The following ALDH7A1 variants were observed in gnomAD, a reference collection of about 807,000 sequenced individuals.
ALDH7A1 encodes the protein alpha-aminoadipic semialdehyde dehydrogenase.
ALDH7A1 carries 63 observed loss-of-function variants against 79.9 expected under a neutral mutation model. The observed-to-expected ratio is 0.79, with a 90% CI of 0.64 to 0.97. The LOEUF (loss-of-function observed/expected upper bound fraction) is 0.97. Ranked by LOEUF, ALDH7A1 falls within the 50% of genes least tolerant of loss-of-function variation. The probability of loss-of-function intolerance (pLI) is 0.00; values close to 1 mark genes in which losing one functional copy is unlikely to be tolerated. For missense variants in ALDH7A1, 627 were observed against 665.2 expected, an observed-to-expected ratio of 0.94 and a Z score of 0.63; for synonymous variants, 240 against 231.2, an observed-to-expected ratio of 1.04 and a Z score of -0.34.
rs1751257073 is a variant in ALDH7A1 at position 126,583,832 on chromosome 5, C to T, written c.393+100G>A. ...TCCAGCCTGGGTGACAGCAAGACTC[C>T]ATCTCAAAAAAAAAAAACCTCACAA... On this transcript the variant is annotated intron_variant, in intron 4 of 17. Transcript: ENST00000409134. The T allele has an allele frequency of 7.2e-6, 7 of 974,324 alleles. No homozygotes were observed. In the South Asian group the frequency reaches 1.0e-4, roughly 14 times the overall value. The allele number at this position is 974,324 out of a possible 1,614,324, so 60.4% of individuals were successfully genotyped here.
intron 12 of ALDH7A1, 65 bp downstream of exon 12, chr5:126,555,866 C>A: frequency 7.5e-7 from 1 of 1,332,078 alleles, no homozygotes; most frequent in Non-Finnish European, 1.1e-6. Context: ...AAACTCAGAT[C>A]AGAAACACTT....
intron 5 of ALDH7A1, among the ~76,000 whole-genome samples, chr5:126,577,578 G>A (rs972042578): frequency 6.6e-6 from 1 of 152,118 alleles, no homozygotes; most frequent in East Asian, 1.9e-4. Flanking sequence ...ATGTTGTTTT[G>A]TTTGGTTTTG....
intron 14 of ALDH7A1, among the ~76,000 whole-genome samples, chr5:126,551,235 T>G (rs1749986123): frequency 6.6e-6 from 1 of 152,102 alleles, no homozygotes; most frequent in Admixed American, 6.6e-5. Flanking sequence ...TTAAAACCTT[T>G]ACAGTTTGAG....
In ALDH7A1 at chr5:126,568,362, A is replaced by T. The variant is rs1750662333; in HGVS notation, c.774-6T>A. 2.5e-6 allele frequency: 4 copies of T among 1,613,764 alleles called. No homozygotes were observed. Among genetic ancestry groups the T allele is most frequent in the Non-Finnish European group, 3.4e-6 (4 of 1,179,666 alleles). On this transcript the variant is annotated splice_polypyrimidine_tract_variant and splice_region_variant and intron_variant, in intron 8 of 17. Transcript: ENST00000409134. ...CATCTTTGGCCATTGCTGTGCTGCA[A>T]GGGAACAGACACGGTCGGCCACCCA...
chr5:126,572,894 A>G (rs71586101), intron 7 of ALDH7A1, among the ~76,000 whole-genome samples: 17,060 of 152,246 alleles, frequency 0.11, 1,031 homozygotes, highest in African/African-American at 0.17. Flanking sequence ...TACACAGAAG[A>G]ACCATATGTG....
intron 3 of ALDH7A1, chr5:126,585,987 A>AATC (rs1491171660): frequency 2.6e-5 from 4 of 152,246 alleles, no homozygotes; most frequent in African/African-American, 7.2e-5. Context: ...CCATCAGCAC[A>AATC]TGATTGGTTA....
intron 7 of ALDH7A1, among the ~76,000 whole-genome samples, chr5:126,571,393 G>A (rs948848913): frequency 4.0e-5 from 6 of 150,508 alleles, no homozygotes; most frequent in Non-Finnish European, 8.9e-5. Flanking sequence ...CAGGAGAATC[G>A]CTTGAACCTG....
At chr5:126,574,603 G>A (rs904821071) in intron 7 of ALDH7A1, among the ~76,000 whole-genome samples, 1 of 151,796 alleles carries the variant, frequency 6.6e-6, no homozygotes, top group Non-Finnish European at 1.5e-5. Flanking sequence ...GCTGAGGCAG[G>A]AGAATGGCGT....
At chr5:126,563,546 G>A (rs551760442) in intron 9 of ALDH7A1, among the ~76,000 whole-genome samples, 1 of 152,154 alleles carries the variant, frequency 6.6e-6, no homozygotes, top group East Asian at 1.9e-4. Flanking sequence ...CTGGAGTGCA[G>A]TGGCGTGATC....
chr5:126,568,117 C>A (rs937821768), intron 9 of ALDH7A1, 142 bp downstream of exon 9: 10 of 765,446 alleles, frequency 1.3e-5, no homozygotes, highest in Non-Finnish European at 2.0e-5. Flanking sequence ...AATAACTGTA[C>A]CCTTTTCTTT....
intron 13 of ALDH7A1, among the ~76,000 whole-genome samples, chr5:126,552,453 C>T (rs1178972631): frequency 6.6e-6 from 1 of 152,200 alleles, no homozygotes; most frequent in African/African-American, 2.4e-5. Flanking sequence ...AGTGCAATGG[C>T]TTGATCTCAG....
chr5:126,544,862 T>A lies in ALDH7A1; in HGVS notation c.*103A>T, dbSNP rs1219154088. On this transcript the variant is annotated 3_prime_UTR_variant, in exon 18 of 18. Transcript: ENST00000409134. The stretch of plus-strand genomic sequence containing the variant: ...ATAGGGGGATTAGTCACTGTCACAG[T>A]CATAATAATGCATTTATTCAGGGAA... The A allele has an allele frequency of 8.8e-6, 8 of 914,082 alleles. No homozygotes were observed. Among genetic ancestry groups the A allele is most frequent in the Non-Finnish European group, 1.4e-5 (8 of 560,664 alleles). The allele number at this position is 914,082 out of a possible 1,614,324, so 56.6% of individuals were successfully genotyped here. A position where few individuals can be genotyped will look rare whatever the true frequency, so the allele number is the denominator to read the frequency against.
At chr5:126,548,157 T>G (rs1437832290) in intron 16 of ALDH7A1, among the ~76,000 whole-genome samples, 2 of 152,118 alleles carry the variant, frequency 1.3e-5, no homozygotes, top group Admixed American at 1.3e-4. Context: ...AAACTTTTAT[T>G]TATTTAGAGA....
chr5:126,566,521 T>G (rs572071036), intron 9 of ALDH7A1, among the ~76,000 whole-genome samples: 1 of 152,194 alleles, frequency 6.6e-6, no homozygotes, highest in African/African-American at 2.4e-5. Context: ...AGTTGACAGA[T>G]TAGTCAAATG....
chr5:126,550,125 A>C (rs1486708031), intron 15 of ALDH7A1, 71 bp downstream of exon 15: 1 of 1,537,376 alleles, frequency 6.5e-7, no homozygotes, highest in Non-Finnish European at 9.0e-7. Flanking sequence ...TTTAGACTAC[A>C]GCAGTTTTTT....
chr5:126,595,037 C>T lies in ALDH7A1; in HGVS notation c.162G>A (p.Val54=). 6.2e-7 allele frequency: 1 copy of T among 1,609,176 alleles called. No individual in the cohort carries two copies. Among genetic ancestry groups the T allele is most frequent in the South Asian group, 1.1e-5 (1 of 89,934 alleles). ...CCCGGCCTCCCCAGCTTCCATTATA[C>T]ACGCCCTCGTTTTCCTCGCGGAGCC... The part of the protein sequence containing the change: ...ELGLREENEG[V]YNGSWGGRGE... Residue 54 remains valine (V), a synonymous_variant, in exon 1 of 18, where the codon GTG becomes GTA. Coordinates refer to ENST00000409134, the MANE Select transcript of ALDH7A1 (RefSeq NM_001182.5).
intron 10 of ALDH7A1, 51 bp downstream of exon 10, chr5:126,561,032 C>A (rs769222352): frequency 6.3e-7 from 1 of 1,592,638 alleles, no homozygotes; most frequent in Admixed American, 1.7e-5. Context: ...TTCAGGATGG[C>A]GACTGTGGAA....
chr5:126,572,318 T>A (rs1040537050), intron 7 of ALDH7A1, among the ~76,000 whole-genome samples: 1 of 152,214 alleles, frequency 6.6e-6, no homozygotes, highest in Non-Finnish European at 1.5e-5. Flanking sequence ...CCAGCTCTCA[T>A]GTCCAAGACC....
chr5:126,550,214 C>T lies in ALDH7A1; in HGVS notation c.1397G>A (p.Arg466Lys). ...GTTGTACCCAAGCCAGCGAAAGATT[C>T]TGCCCAGATCTTTGGTAAAGATGCT... ...SSSIFTKDLG[R>K]IFRWLGPKGS... The change falls in exon 15 of 18, where the codon AGA becomes AAA. Residue 466 changes from arginine (R) to lysine (K), a missense_variant. By Grantham distance (26) the Arg-to-Lys change is conservative. Coordinates refer to ENST00000409134, the MANE Select transcript of ALDH7A1 (RefSeq NM_001182.5). The T allele has an allele frequency of 6.2e-7, 1 of 1,612,876 alleles. No individual in the cohort carries two copies. Among genetic ancestry groups the T allele is most frequent in the South Asian group, 1.1e-5 (1 of 91,014 alleles).
Sources: gnomAD v4.1 joint callset for allele counts (sites outside exome capture counted in the v4.1 genomes callset) on GRCh38, gnomAD v4.1.1 for gene constraint, MANE v1.5 for transcripts, NCBI Gene and HGNC (gene_info 2026-07-23, HGNC 2026-07-21) for gene names.